Variants in MYO6 observed in about 807,000 individuals in gnomAD.
MYO6 encodes the protein myosin VI.
In MYO6, 74 loss-of-function variants were observed where a neutral mutation model predicts 178.7. The observed-to-expected ratio is 0.41, with a 90% confidence interval of 0.34 to 0.50. The LOEUF (loss-of-function observed/expected upper bound fraction) is 0.50. MYO6 is among the 20% of genes least tolerant of loss of function. MYO6 has a pLI of 0.09. For synonymous variants in MYO6, 477 were observed against 504.6 expected (o/e 0.95, Z 0.73); for missense variants, 1,330 against 1,547.4 (o/e 0.86, Z 2.36).
rs1404419193 is a variant in MYO6 at position 75,916,633 on chromosome 6, G to GT, written c.*1626dup. 1 of 152,542 alleles carries GT rather than the reference G, an allele frequency of 6.6e-6. No individual in the cohort carries two copies. Among genetic ancestry groups the GT allele is most frequent in the African/African-American group, 2.4e-5 (1 of 41,418 alleles). 9.4% of individuals were successfully genotyped at this position (152,542 alleles called of 1,614,324 possible). A position where few individuals can be genotyped will look rare whatever the true frequency, so the allele number is the denominator to read the frequency against. On this transcript the variant is annotated 3_prime_UTR_variant, in exon 35 of 35. Coordinates refer to ENST00000369977, the MANE Select transcript of MYO6 (RefSeq NM_004999.4). ...CTTCCATCTCTCGCCTTTAACTGGT[G>GT]TTTTTATTTGTGTAGGATAGTGAAT...
chr6:75,899,184 A>G lies in MYO6; in HGVS notation c.3176+773A>G, dbSNP rs368312030. 3.3e-5 allele frequency among the ~76,000 whole-genome samples: 5 copies of G among 152,258 alleles called. No homozygotes were observed. The East Asian group carries it at 5.8e-4, about 18-fold the overall frequency. ...AGTAGATGTACTTTTGTTTGAGGTA[A>G]TAGGAATGAAAAGTTAGGGATATTA... On this transcript the variant is annotated intron_variant, in intron 30 of 34. Transcript: ENST00000369977.
chr6:75,838,648 GTT>G (rs113038679), intron 7 of MYO6, among the ~76,000 whole-genome samples: 3 of 137,238 alleles, frequency 2.2e-5, no homozygotes, highest in Admixed American at 7.3e-5. Context: ...GTTGACCATG[GTT>G]TTTTTTTTTT....
rs1244993185 is a variant in MYO6, at chr6:75,914,251, C to T, written c.3628C>T (p.Pro1210Ser). The change falls in exon 34 of 35, where the codon CCT (proline) becomes TCT (serine). Residue 1210 changes from proline (P) to serine (S), a missense_variant. Physicochemically the swap from Pro to Ser is moderately conservative, Grantham distance 74. Coordinates refer to ENST00000369977, the MANE Select transcript of MYO6 (RefSeq NM_004999.4). Reference protein sequence around the residue: ...PWIARQMELHPDKPPILLVAG... With the variant: ...PWIARQMELHSDKPPILLVAG... Reference sequence around the variant, plus strand: ...GATTGCCCGGCAAATGGAACTCCATCCTGACAAGCCACCCATCCTACTTGT... The same window carrying T: ...GATTGCCCGGCAAATGGAACTCCATTCTGACAAGCCACCCATCCTACTTGT... The T allele has an allele frequency of 6.2e-7, 1 of 1,614,188 alleles. No individual in the cohort carries two copies. Among genetic ancestry groups the T allele is most frequent in the Non-Finnish European group, 8.5e-7 (1 of 1,180,030 alleles).
At chr6:75,802,491 T>C (rs1383478087) in intron 1 of MYO6, among the ~76,000 whole-genome samples, 2 of 149,944 alleles carry the variant, frequency 1.3e-5, no homozygotes, top group African/African-American at 2.4e-5. Flanking sequence ...TTTTTTTTTT[T>C]TTTTTTTAAT....
At chr6:75,911,989 G>T (rs1353030473) in intron 33 of MYO6, among the ~76,000 whole-genome samples, 1 of 151,942 alleles carries the variant, frequency 6.6e-6, no homozygotes, top group Non-Finnish European at 1.5e-5. Context: ...AATTCTTATT[G>T]TAGCAAAACT....
At position 75,828,184 on chromosome 6, in the gene MYO6, G is replaced by T. The variant is rs1271033115; in HGVS notation, c.188-356G>T. The stretch of plus-strand genomic sequence containing the variant: ...AAATTCTGAGTATCAGATTGGATTG[G>T]TGTCATCACTTTGTTGTGTCAGAAG... On this transcript the variant is annotated intron_variant, in intron 3 of 34. Coordinates refer to ENST00000369977, the MANE Select transcript of MYO6 (RefSeq NM_004999.4). Among the ~76,000 whole-genome samples the T allele has an allele frequency of 2.6e-5, 4 of 152,090 alleles. No homozygotes were observed. The East Asian group carries it at 5.8e-4, about 22-fold the overall frequency.
Position 75,858,924 on chromosome 6 carries a change from T to G in MYO6, c.1404T>G (p.Phe468Leu). The G allele has an allele frequency of 6.2e-7, 1 of 1,609,822 alleles. No homozygotes were observed. Residue 468 changes from phenylalanine to leucine, a missense_variant, in exon 14 of 35, where the codon TTT becomes TTG. This residue lies in a region of MYO6 where 613 missense variants were observed against 816.8 expected (regional missense o/e 0.75). Coordinates refer to ENST00000369977, the MANE Select transcript of MYO6 (RefSeq NM_004999.4). ...CAGAGTACTTTGAGCATAACAGTTT[T>G]GAACAATTTTGCATCAACTATTGCA... The part of the protein sequence containing the change: ...AGFEYFEHNS[F>L]EQFCINYCNE...
chr6:75,848,967 A>T (rs1774997083), intron 11 of MYO6, among the ~76,000 whole-genome samples: 1 of 152,192 alleles, frequency 6.6e-6, no homozygotes, highest in Non-Finnish European at 1.5e-5. Context: ...ATTAATGAGA[A>T]ATGAAAATAA....
chr6:75,867,201 C>T (rs1439695560), intron 18 of MYO6, 96 bp downstream of exon 18: 3 of 1,039,008 alleles, frequency 2.9e-6, no homozygotes, highest in Non-Finnish European at 4.2e-6. Context: ...TCAGAAATCT[C>T]ACAGTGAAGT....
chr6:75,756,970 TATATAGTGTGTATATATGTATACACAC>T (rs1777437865), intron 1 of MYO6, among the ~76,000 whole-genome samples: 2 of 26,430 alleles, frequency 7.6e-5, no homozygotes, highest in Non-Finnish European at 2.2e-4. Context: ...TATACACACA[TATATAGTGTGTATATATGTATACACAC>T]ATATATAGTG....
intron 25 of MYO6, among the ~76,000 whole-genome samples, chr6:75,887,502 G>A (rs1778534020): frequency 6.6e-6 from 1 of 151,580 alleles, no homozygotes; most frequent in Non-Finnish European, 1.5e-5. Flanking sequence ...CTAGCTGGGT[G>A]TGGTGGCGTG....
At chr6:75,846,533 T>C (rs1774742226) in intron 10 of MYO6, among the ~76,000 whole-genome samples, 1 of 152,174 alleles carries the variant, frequency 6.6e-6, no homozygotes, top group South Asian at 2.1e-4. Flanking sequence ...TCATTATAGA[T>C]ACAGAATCTG....
intron 28 of MYO6, among the ~76,000 whole-genome samples, chr6:75,893,338 T>C (rs1779051447): frequency 6.6e-6 from 1 of 152,122 alleles, no homozygotes. Flanking sequence ...AAATTTAGTA[T>C]GTAGAGGCAT....
At chr6:75,909,252 A>G (rs1780582436) in intron 32 of MYO6, among the ~76,000 whole-genome samples, 1 of 152,236 alleles carries the variant, frequency 6.6e-6, no homozygotes, top group African/African-American at 2.4e-5. Context: ...TGAAATACCC[A>G]ATATTGTTAT....
At chr6:75,786,899 A>G (rs558406276) in intron 1 of MYO6, among the ~76,000 whole-genome samples, 1 of 152,338 alleles carries the variant, frequency 6.6e-6, no homozygotes, top group African/African-American at 2.4e-5. Flanking sequence ...GGTAACAGTT[A>G]TCACTACTAT....
At chr6:75,875,513 C>A (rs1303002609) in intron 20 of MYO6, among the ~76,000 whole-genome samples, 1 of 152,208 alleles carries the variant, frequency 6.6e-6, no homozygotes, top group African/African-American at 2.4e-5. Flanking sequence ...TCTCAAACTC[C>A]TGGGCTCAAG....
Position 75,768,479 on chromosome 6 carries a change from CAT to C in MYO6, c.-48+19057_-48+19058del, listed in dbSNP as rs1778636291. Among the ~76,000 whole-genome samples, 7 of 151,842 alleles carry C rather than the reference CAT, an allele frequency of 4.6e-5. No homozygotes were observed. The South Asian group carries it at 1.5e-3, about 32-fold the overall frequency. ...CACTGCAACCTCCGCTTCCTGGGCT[CAT>C]GTGATTCTCCTGCCTCAGCCTCCCG... On this transcript the variant is annotated intron_variant, in intron 1 of 34. Coordinates refer to ENST00000369977, the MANE Select transcript of MYO6 (RefSeq NM_004999.4).
At chr6:75,752,688 T>C in intron 1 of MYO6, among the ~76,000 whole-genome samples, 1 of 152,256 alleles carries the variant, frequency 6.6e-6, no homozygotes, top group Non-Finnish European at 1.5e-5. Context: ...AATGTAGTTC[T>C]GGAACAAATT....
At chr6:75,885,202 A>G (rs1451417825) in intron 23 of MYO6, among the ~76,000 whole-genome samples, 3 of 152,158 alleles carry the variant, frequency 2.0e-5, no homozygotes, top group African/African-American at 7.2e-5. Context: ...ACATCTTTCA[A>G]CATCTTTTTA....
Sources: gnomAD v4.1 joint callset for allele counts (sites outside exome capture counted in the v4.1 genomes callset) on GRCh38, gnomAD v4.1.1 for gene constraint, gnomAD v4.1.1 regional missense constraint, MANE v1.5 for transcripts, NCBI Gene and HGNC (gene_info 2026-07-23, HGNC 2026-07-21) for gene names.